L3MBTL4: variants seen among roughly 807,000 people sequenced by gnomAD.
L3MBTL4 encodes the protein lethal(3)malignant brain tumor-like protein 4.
Under a neutral mutation model 84.5 loss-of-function variants are expected in L3MBTL4, and 70 were observed. The ratio of observed to expected loss-of-function variants is 0.83; its 90% CI spans 0.68 to 1.01. The LOEUF is 1.01. Ranked by LOEUF, L3MBTL4 falls within the 50% of genes least tolerant of loss-of-function variation. The probability of loss-of-function intolerance (pLI) is 0.00; values close to 1 mark genes in which losing one functional copy is unlikely to be tolerated. For synonymous variants in L3MBTL4, 274 were observed against 259.8 expected (o/e 1.05, Z -0.52); for missense variants, 715 against 754.8 (o/e 0.95, Z 0.62).
Position 5,962,873 on chromosome 18 carries a change from G to T in L3MBTL4, c.1615-2717C>A, listed in dbSNP as rs2052128025. 2.0e-5 allele frequency among the ~76,000 whole-genome samples: 3 copies of T among 152,172 alleles called. No individual in the cohort carries two copies. The South Asian group carries it at 6.2e-4, about 32-fold the overall frequency. On this transcript the variant is annotated intron_variant, in intron 17 of 18. Transcript: ENST00000317931. ...GGCCAGGTAATTCTTTGCTGTGAGG[G>T]CTGTCCTGGGTGGGGTGGGATGTTT...
intron 1 of L3MBTL4, among the ~76,000 whole-genome samples, chr18:6,400,462 T>C (rs1036115204): frequency 6.6e-6 from 1 of 152,196 alleles, no homozygotes; most frequent in Admixed American, 6.5e-5. Context: ...CAGGCTACAG[T>C]GCAGTGGTGC....
At chr18:5,958,499 A>G (rs6506347) in intron 18 of L3MBTL4, among the ~76,000 whole-genome samples, 56,234 of 152,006 alleles carry the variant, frequency 0.37, 10,688 homozygotes, top group East Asian at 0.49. Flanking sequence ...TGATGGTGAC[A>G]ACAACAGCTA....
rs1398846484 is a variant in L3MBTL4 at position 5,955,229 on chromosome 18, AT to A, written c.*990del. The A allele has an allele frequency of 1.3e-5, 2 of 152,274 alleles. No homozygotes were observed. The highest frequency in any genetic ancestry group is 1.5e-5 in the Non-Finnish European group (1 of 68,058). 9.4% of individuals were successfully genotyped at this position (152,274 alleles called of 1,614,324 possible). On this transcript the variant is annotated 3_prime_UTR_variant, in exon 19 of 19. Transcript: ENST00000317931. ...AAATAAGGCCTGACAACAAATCGGA[AT>A]GTTTCAAACAAAGAATAAGTACCAC...
At chr18:6,291,940 A>C (rs2049884265) in intron 4 of L3MBTL4, among the ~76,000 whole-genome samples, 2 of 152,228 alleles carry the variant, frequency 1.3e-5, no homozygotes, top group South Asian at 4.1e-4. Flanking sequence ...AAACATTTTC[A>C]AACTATCCAT....
At chr18:6,222,372 T>C (rs918400887) in intron 10 of L3MBTL4, among the ~76,000 whole-genome samples, 26 of 152,214 alleles carry the variant, frequency 1.7e-4, no homozygotes, top group African/African-American at 5.8e-4. Context: ...GGCTGAGCTG[T>C]ACTATATCCA....
At chr18:6,294,081 G>A (rs1258358323) in intron 4 of L3MBTL4, among the ~76,000 whole-genome samples, 1 of 152,072 alleles carries the variant, frequency 6.6e-6, no homozygotes, top group Non-Finnish European at 1.5e-5. Flanking sequence ...GGTTGGGCAG[G>A]GCATGTTCTT....
chr18:6,229,987 T>C (rs879927207), intron 10 of L3MBTL4, among the ~76,000 whole-genome samples: 2 of 152,226 alleles, frequency 1.3e-5, no homozygotes, highest in Admixed American at 6.5e-5. Flanking sequence ...AATTTTAGGA[T>C]GGATTTTTCT....
chr18:6,321,923 G>GA lies in L3MBTL4; in HGVS notation c.-90-9868dup, dbSNP rs201949932. Reference sequence around the variant, plus strand: ...GGGAGGCTAGAAAGGGGGTGAGGGAGAAAAAAAAACTACATATTTGGTATA... The same window carrying GA: ...GGGAGGCTAGAAAGGGGGTGAGGGAGAAAAAAAAAACTACATATTTGGTATA... On this transcript the variant is annotated intron_variant, in intron 1 of 18. Coordinates refer to ENST00000317931, the MANE Select transcript of L3MBTL4 (RefSeq NM_001330559.2). Among the ~76,000 whole-genome samples the GA allele has an allele frequency of 6.0e-5, 9 of 150,282 alleles. No individual in the cohort carries two copies. The East Asian group carries it at 1.2e-3, about 19-fold the overall frequency.
intron 16 of L3MBTL4, among the ~76,000 whole-genome samples, chr18:6,063,047 C>T (rs928353287): frequency 2.0e-5 from 3 of 151,930 alleles, no homozygotes; most frequent in Non-Finnish European, 4.4e-5. Context: ...TTTGCATCCT[C>T]ATAGCTTAGC....
chr18:6,345,981 C>A (rs1368225407), intron 1 of L3MBTL4, among the ~76,000 whole-genome samples: 4 of 150,332 alleles, frequency 2.7e-5, no homozygotes, highest in Admixed American at 6.6e-5. Flanking sequence ...GATATATAGA[C>A]CAACGGAACA....
intron 14 of L3MBTL4, among the ~76,000 whole-genome samples, chr18:6,133,366 A>T (rs2059933133): frequency 6.7e-6 from 1 of 149,204 alleles, no homozygotes; most frequent in Non-Finnish European, 1.5e-5. Context: ...CACTCCCCCC[A>T]CACACAAACA....
chr18:6,338,307 G>C lies in L3MBTL4; in HGVS notation c.-90-26251C>G, dbSNP rs550022115. ...GAAAAATGATCCCCAACAGAACACA[G>C]AAATGCAAAAAGAAATGAAAACAAC... On this transcript the variant is annotated intron_variant, in intron 1 of 18. Coordinates refer to ENST00000317931, the MANE Select transcript of L3MBTL4 (RefSeq NM_001330559.2). Among the ~76,000 whole-genome samples, 7 of 152,016 alleles carry C rather than the reference G, an allele frequency of 4.6e-5. No homozygotes were observed. In the South Asian group the frequency reaches 1.5e-3, roughly 32 times the overall value.
chr18:6,415,018 AC>A (rs1310114573), upstream of L3MBTL4: 2 of 151,822 alleles, frequency 1.3e-5, no homozygotes, highest in African/African-American at 4.8e-5. Flanking sequence ...AGTGTTCCAC[AC>A]CCCGGGGAGC....
intron 1 of L3MBTL4, among the ~76,000 whole-genome samples, chr18:6,387,718 G>C (rs2054881665): frequency 6.6e-6 from 1 of 152,184 alleles, no homozygotes; most frequent in Non-Finnish European, 1.5e-5. Flanking sequence ...TGTAAGAGCA[G>C]CCAAGAATAG....
rs1167699819 is a variant in L3MBTL4 at position 6,110,882 on chromosome 18, G to A, written c.1200-17354C>T. On this transcript the variant is annotated intron_variant, in intron 14 of 18. Coordinates refer to ENST00000317931, the MANE Select transcript of L3MBTL4 (RefSeq NM_001330559.2). ...ACGCATTCTCATTTTCTAATTTTCT[G>A]TGTGTTCGTGGAATTTTGTTCATGC... Among the ~76,000 whole-genome samples, 3 of 152,080 alleles carry A rather than the reference G, an allele frequency of 2.0e-5. 1 individual carries two copies. Among genetic ancestry groups the A allele is most frequent in the Admixed American group, 6.5e-5 (1 of 15,272 alleles).
intron 14 of L3MBTL4, among the ~76,000 whole-genome samples, chr18:6,130,297 T>G (rs890750446): frequency 2.2e-4 from 32 of 145,422 alleles, no homozygotes; most frequent in African/African-American, 7.1e-4. Context: ...GGAACAGACG[T>G]GAAAAGAAGA....
intron 16 of L3MBTL4, among the ~76,000 whole-genome samples, chr18:6,023,436 G>A (rs1408446692): frequency 6.6e-6 from 1 of 152,100 alleles, no homozygotes; most frequent in Non-Finnish European, 1.5e-5. Context: ...TTGATAGAAC[G>A]AAGAACATTC....
At chr18:6,332,495 C>T (rs1487982703) in intron 1 of L3MBTL4, among the ~76,000 whole-genome samples, 4 of 152,314 alleles carry the variant, frequency 2.6e-5, no homozygotes, top group Middle Eastern at 3.4e-3. Context: ...AATTTACCCT[C>T]CTGGCCACAG....
At chr18:6,312,648 A>T (rs190330245) in intron 1 of L3MBTL4, among the ~76,000 whole-genome samples, 9 of 152,316 alleles carry the variant, frequency 5.9e-5, no homozygotes, top group South Asian at 2.1e-4. Context: ...TCTTTTTCTC[A>T]TTCAAACAAT....
Sources: gnomAD v4.1 joint callset for allele counts (sites outside exome capture counted in the v4.1 genomes callset) on GRCh38, gnomAD v4.1.1 for gene constraint, MANE v1.5 for transcripts, NCBI Gene and HGNC (gene_info 2026-07-23, HGNC 2026-07-21) for gene names.